Variants in JMY observed in about 807,000 individuals in gnomAD.
JMY encodes the protein junction mediating and regulatory protein, p53 cofactor, also known as junction-mediating and -regulatory protein.
A neutral mutation model predicts 103.3 loss-of-function variants in JMY; 46 were observed. That is an observed-to-expected ratio of 0.45 (90% CI 0.35 to 0.57). JMY has a LOEUF of 0.57. Ranked by LOEUF, JMY falls within the 20% of genes least tolerant of loss-of-function variation. The probability of loss-of-function intolerance (pLI) is 0.00; values close to 1 mark genes in which losing one functional copy is unlikely to be tolerated. For synonymous variants in JMY, 526 were observed against 489.3 expected, an observed-to-expected ratio of 1.07 and a Z score of -0.99; for missense variants, 1,238 against 1,255.2, an observed-to-expected ratio of 0.99 and a Z score of 0.21.
intron 1 of JMY, among the ~76,000 whole-genome samples, chr5:79,250,398 G>A (rs1028659224): frequency 9.2e-5 from 14 of 152,058 alleles, no homozygotes; most frequent in Admixed American, 7.9e-4. Context: ...GGTGATTCTA[G>A]TATTTTTTCT....
At chr5:79,243,984 T>G (rs930223997) in intron 1 of JMY, among the ~76,000 whole-genome samples, 14 of 151,852 alleles carry the variant, frequency 9.2e-5, no homozygotes, top group African/African-American at 2.9e-4. Context: ...CACCAGAGAT[T>G]TCTTTCTTTT....
In JMY at chr5:79,326,250, G is replaced by A. The variant is rs1045568002; in HGVS notation, c.*4648G>A. ...AGTGGCTAAATTTGGGGGAATTGGT[G>A]GATAGGAAAGACCTTGAAAAGTGAT... On this transcript the variant is annotated 3_prime_UTR_variant, in exon 11 of 11. Transcript: ENST00000396137. 1 of 151,792 alleles carries A rather than the reference G, an allele frequency of 6.6e-6. No individual in the cohort carries two copies. The highest frequency in any genetic ancestry group is 1.5e-5 in the Non-Finnish European group (1 of 67,890). 9.4% of individuals were successfully genotyped at this position (151,792 alleles called of 1,614,324 possible). A position where few individuals can be genotyped will look rare whatever the true frequency, so the allele number is the denominator to read the frequency against.
chr5:79,269,867 G>A (rs1469756839), intron 1 of JMY, among the ~76,000 whole-genome samples: 1 of 151,990 alleles, frequency 6.6e-6, no homozygotes, highest in African/African-American at 2.4e-5. Context: ...AGCTAGGACT[G>A]CAGGCATGTG....
chr5:79,312,625 C>T (rs1463545797), intron 8 of JMY, 127 bp downstream of exon 8: 1 of 440,422 alleles, frequency 2.3e-6, no homozygotes, highest in East Asian at 3.6e-5. Context: ...CTATTATAAC[C>T]ATGGAAGTCC....
intron 6 of JMY, among the ~76,000 whole-genome samples, 190 bp from the exon 7 acceptor site, chr5:79,306,185 A>G (rs1010839547): frequency 1.3e-5 from 2 of 152,204 alleles, no homozygotes. Context: ...AGTTTCATAG[A>G]GGAGTCTTTT....
intron 1 of JMY, among the ~76,000 whole-genome samples, chr5:79,266,592 CATTACA>C (rs1745593919): frequency 1.3e-5 from 2 of 152,132 alleles, no homozygotes; most frequent in Non-Finnish European, 2.9e-5. Context: ...GTGTTGGGTA[CATTACA>C]GTTCTTCCAA....
intron 2 of JMY, among the ~76,000 whole-genome samples, chr5:79,281,615 A>G (rs993662256): frequency 6.6e-6 from 1 of 152,172 alleles, no homozygotes; most frequent in Admixed American, 6.5e-5. Flanking sequence ...TGGACACAGC[A>G]TGGGTAAATC....
Position 79,314,570 on chromosome 5 carries a change from T to G in JMY, c.2378T>G (p.Leu793Arg). 1 of 1,614,138 alleles carries G rather than the reference T, an allele frequency of 6.2e-7. No homozygotes were observed. The change falls in exon 9 of 11, where the codon CTC becomes CGC. Residue 793 changes from leucine to arginine, a missense_variant. Leu to Arg is a moderately radical substitution (Grantham distance 102). Transcript: ENST00000396137. Reference protein sequence around the residue: ...TISLPLLNNNLEPCSVTINPL... With the variant: ...TISLPLLNNNREPCSVTINPL... The stretch of plus-strand genomic sequence containing the variant: ...TCTCTTCCACTTTTGAATAACAACC[T>G]CGAACCATGTTCTGTTACCATAAAT...
At chr5:79,274,515 C>G (rs1313248303) in intron 1 of JMY, among the ~76,000 whole-genome samples, 5 of 152,034 alleles carry the variant, frequency 3.3e-5, no homozygotes, top group Non-Finnish European at 7.3e-5. Context: ...TCAAGTGATT[C>G]TCCTGCCTCA....
intron 8 of JMY, 134 bp from the exon 9 acceptor site, chr5:79,314,123 T>G (rs1319227996): frequency 7.1e-7 from 1 of 1,410,844 alleles, no homozygotes; most frequent in Non-Finnish European, 9.3e-7. Flanking sequence ...CCTCCCAAAG[T>G]GCTGGGATTA....
chr5:79,284,061 AT>A, intron 2 of JMY: 1 of 958,648 alleles, frequency 1.0e-6, no homozygotes, highest in South Asian at 1.8e-5. Context: ...TCTTTTTTTT[AT>A]TTTTTTATTT....
At chr5:79,286,973 T>C (rs2112094640) in intron 2 of JMY, among the ~76,000 whole-genome samples, 1 of 152,088 alleles carries the variant, frequency 6.6e-6, no homozygotes, top group South Asian at 2.1e-4. Flanking sequence ...AGAGAAGGGA[T>C]TGGAATTATT....
intron 1 of JMY, among the ~76,000 whole-genome samples, chr5:79,247,076 C>T (rs1019853541): frequency 1.4e-4 from 21 of 152,102 alleles, no homozygotes; most frequent in African/African-American, 5.1e-4. Context: ...CCAAGCCTGC[C>T]TTGTTAACCA....
intron 1 of JMY, among the ~76,000 whole-genome samples, chr5:79,243,062 A>G (rs1401782862): frequency 3.9e-5 from 6 of 152,172 alleles, no homozygotes; most frequent in Non-Finnish European, 7.3e-5. Context: ...GGATAGGTTT[A>G]TGTTAGAGAA....
At chr5:79,268,735 G>C (rs537634103) in intron 1 of JMY, among the ~76,000 whole-genome samples, 1 of 152,000 alleles carries the variant, frequency 6.6e-6, no homozygotes, top group Non-Finnish European at 1.5e-5. Flanking sequence ...TGATCCACCC[G>C]CCTCGGCTTC....
rs1250985281 is a variant in JMY, at chr5:79,278,077, G to A, written c.1200G>A (p.Gln400=). The A allele has an allele frequency of 6.2e-7, 1 of 1,607,924 alleles. No homozygotes were observed. Among genetic ancestry groups the A allele is most frequent in the African/African-American group, 1.3e-5 (1 of 74,672 alleles). ...AACTTGCCATGCTACGAAGACAGCAGATCAAGGTATTTTTTTATTAATCCT... is the reference window on the plus strand; with the variant it reads ...AACTTGCCATGCTACGAAGACAGCAAATCAAGGTATTTTTTTATTAATCCT... ...MRELAMLRRQ[Q]IKISMENDYL... is the part of the protein sequence containing the mutation. The change falls in exon 2 of 11, where the codon CAG becomes CAA. Residue 400 remains glutamine (Q), a synonymous_variant. Coordinates refer to ENST00000396137, the MANE Select transcript of JMY (RefSeq NM_152405.5).
rs555083233 is a variant in JMY at position 79,299,998 on chromosome 5, A to G, written c.1528-155A>G. Among the ~76,000 whole-genome samples, 4 of 151,840 alleles carry G rather than the reference A, an allele frequency of 2.6e-5. No individual in the cohort carries two copies. In the South Asian group the frequency reaches 6.2e-4, roughly 24 times the overall value. ...TACTGTTTTATACATATATATATATATATTTTTAAAGTCTAGATTCCATGC... is the reference window on the plus strand; with the variant it reads ...TACTGTTTTATACATATATATATATGTATTTTTAAAGTCTAGATTCCATGC... On this transcript the variant is annotated intron_variant, in intron 4 of 10. Transcript: ENST00000396137.
At chr5:79,281,717 G>A (rs964638895) in intron 2 of JMY, among the ~76,000 whole-genome samples, 3 of 152,114 alleles carry the variant, frequency 2.0e-5, no homozygotes, top group Admixed American at 6.6e-5. Flanking sequence ...AGAATCTTTT[G>A]GAGTTGATGG....
chr5:79,311,883 C>T (rs1269293794), intron 7 of JMY, among the ~76,000 whole-genome samples: 1 of 152,144 alleles, frequency 6.6e-6, no homozygotes, highest in Non-Finnish European at 1.5e-5. Flanking sequence ...GTGGCACTAT[C>T]TCGGCTCACT....
Sources: allele counts gnomAD v4.1 joint callset (sites outside exome capture counted in the v4.1 genomes callset), GRCh38; gene constraint gnomAD v4.1.1; transcripts MANE v1.5; gene names NCBI Gene and HGNC (gene_info 2026-07-23, HGNC 2026-07-21).